Variants in THSD1 observed in about 807,000 individuals in gnomAD.
THSD1 encodes thrombospondin type-1 domain-containing protein 1.
A neutral mutation model predicts 46.3 loss-of-function variants in THSD1; 34 were observed. The observed-to-expected ratio is 0.74, with a 90% CI of 0.56 to 0.98. THSD1 has a LOEUF of 0.98. Ranked by LOEUF, THSD1 falls within the 50% of genes least tolerant of loss-of-function variation. The pLI, the probability that THSD1 is intolerant of heterozygous loss-of-function variation, is 0.00. For synonymous variants in THSD1, 407 were observed against 416.5 expected, an observed-to-expected ratio of 0.98 and a Z score of 0.28; for missense variants, 1,023 against 1,058.3, an observed-to-expected ratio of 0.97 and a Z score of 0.46.
chr13:52,377,733 C>A lies in THSD1; in HGVS notation c.2237G>T (p.Gly746Val). 1 of 1,613,490 alleles carries A rather than the reference C, an allele frequency of 6.2e-7. No homozygotes were observed. The highest frequency in any genetic ancestry group is 1.1e-5 in the South Asian group (1 of 90,988). ...RKPDLGDHQA[G>V]LVAGIERTEP... ...TGTTCTCTCAATTCCGGCCACTAAT[C>A]CTGCCTGGTGATCCCCAAGGTCTGG... The change falls in exon 5 of 5, where the codon GGA becomes GTA. Residue 746 changes from glycine to valine, a missense_variant. Physicochemically the swap from Gly to Val is moderately radical, Grantham distance 109. Coordinates refer to ENST00000258613, the MANE Select transcript of THSD1 (RefSeq NM_018676.4).
rs113543720 is a variant in THSD1, at chr13:52,378,793, C to CA, written c.1181-5dup. 1.7e-3 allele frequency: 2,555 copies of CA among 1,516,554 alleles called. 8 individuals are homozygous for CA. Among genetic ancestry groups the CA allele is most frequent in the South Asian group, 0.015 (1,148 of 78,078 alleles). The allele number at this position is 1,516,554 out of a possible 1,614,324, so 93.9% of individuals were successfully genotyped here. A position where few individuals can be genotyped will look rare whatever the true frequency, so the allele number is the denominator to read the frequency against. ...GATGGGCTGGATGGCTGGAAAGCTGCAAAAAAAAACAAAACAAAACAAACA... is the reference window on the plus strand; with the variant it reads ...GATGGGCTGGATGGCTGGAAAGCTGCAAAAAAAAAACAAAACAAAACAAACA... On this transcript the variant is annotated splice_region_variant and splice_polypyrimidine_tract_variant and intron_variant, in intron 4 of 4. Coordinates refer to ENST00000258613, the MANE Select transcript of THSD1 (RefSeq NM_018676.4).
chr13:52,404,104 C>T (rs1291081590), intron 1 of THSD1, among the ~76,000 whole-genome samples: 7 of 151,952 alleles, frequency 4.6e-5, no homozygotes, highest in Middle Eastern at 6.8e-3. Context: ...TGCACCACCA[C>T]GCTTGGCTAA....
intron 2 of THSD1, among the ~76,000 whole-genome samples, chr13:52,399,825 T>C (rs1957840547): frequency 6.6e-6 from 1 of 152,194 alleles, no homozygotes; most frequent in South Asian, 2.1e-4. Context: ...AGACCCAACC[T>C]GGTACCTTTC....
intron 4 of THSD1, among the ~76,000 whole-genome samples, chr13:52,381,407 TC>T (rs1207361022): frequency 6.6e-6 from 1 of 152,004 alleles, no homozygotes; most frequent in Non-Finnish European, 1.5e-5. Context: ...TGCCCACAAA[TC>T]CTTCCATGGG....
chr13:52,378,546 C>T lies in THSD1; in HGVS notation c.1424G>A (p.Arg475His), dbSNP rs564794340. The T allele has an allele frequency of 1.2e-6, 2 of 1,614,064 alleles. No homozygotes were observed. Among genetic ancestry groups the T allele is most frequent in the African/African-American group, 1.3e-5 (1 of 74,926 alleles). ...GTCTCCCCCATCCGAGAAGCTCCCG[C>T]GCTGCTCGCTCAGCTCGCAGATATT... Reference protein sequence around the residue: ...EENICELSEQRGSFSDGGDGP... With the variant: ...EENICELSEQHGSFSDGGDGP... Residue 475 changes from arginine (R) to histidine (H), a missense_variant, in exon 5 of 5, where the codon CGC becomes CAC. Transcript: ENST00000258613.
chr13:52,384,518 C>G (rs1957716531), intron 4 of THSD1: 1 of 406,006 alleles, frequency 2.5e-6, no homozygotes, highest in Non-Finnish European at 5.0e-6. Flanking sequence ...GGTCTGAGCC[C>G]AGCATAATGA....
intron 3 of THSD1, among the ~76,000 whole-genome samples, chr13:52,387,141 T>C (rs1206109851): frequency 2.0e-5 from 3 of 152,184 alleles, no homozygotes; most frequent in Non-Finnish European, 2.9e-5. Flanking sequence ...GCCTCTCTGA[T>C]GTGCAGGCTC....
intron 1 of THSD1, among the ~76,000 whole-genome samples, chr13:52,403,152 C>T (rs1201510841): frequency 6.6e-6 from 1 of 152,142 alleles, no homozygotes; most frequent in Non-Finnish European, 1.5e-5. Context: ...CTAACATTTC[C>T]TTGCACAATT....
intron 3 of THSD1, among the ~76,000 whole-genome samples, chr13:52,396,185 AGTCAG>A (rs1254127475): frequency 6.6e-6 from 1 of 152,022 alleles, no homozygotes; most frequent in Admixed American, 6.6e-5. Flanking sequence ...GGGGTTACAA[AGTCAG>A]GCTTGTGTAG....
In THSD1 at chr13:52,378,798, A is replaced by G. The variant is rs200873789; in HGVS notation, c.1181-9T>C. 6.4e-7 allele frequency: 1 copy of G among 1,556,508 alleles called. No individual in the cohort carries two copies. The highest frequency in any genetic ancestry group is 2.3e-5 in the East Asian group (1 of 44,332). ...GCTGGATGGCTGGAAAGCTGCAAAAAAAAACAAAACAAAACAAACAAACAA... is the reference window on the plus strand; with the variant it reads ...GCTGGATGGCTGGAAAGCTGCAAAAGAAAACAAAACAAAACAAACAAACAA... On this transcript the variant is annotated splice_polypyrimidine_tract_variant and intron_variant, in intron 4 of 4. Transcript: ENST00000258613.
Position 52,378,394 on chromosome 13 carries a change from G to A in THSD1, c.1576C>T (p.Pro526Ser). Residue 526 changes from proline (P) to serine (S), a missense_variant, in exon 5 of 5, where the codon CCT (proline) becomes TCT (serine). This residue lies in a region of THSD1 where 578 missense variants were observed against 497.4 expected (regional missense o/e 1.16). Coordinates refer to ENST00000258613, the MANE Select transcript of THSD1 (RefSeq NM_018676.4). ...FQSNAQKIIP[P>S]LFSYRLAQQQ... ...TGGGCAAGGCGGTAGCTGAACAGAG[G>A]TGGGATTATCTTCTGGGCGTTGGAC... 1.2e-6 allele frequency: 2 copies of A among 1,614,074 alleles called. No individual in the cohort carries two copies. The highest frequency in any genetic ancestry group is 1.3e-5 in the African/African-American group (1 of 75,040).
Position 52,378,393 on chromosome 13 carries a change from G to A in THSD1, c.1577C>T (p.Pro526Leu), listed in dbSNP as rs1219491357. 3 of 1,614,120 alleles carry A rather than the reference G, an allele frequency of 1.9e-6. No homozygotes were observed. Among genetic ancestry groups the A allele is most frequent in the South Asian group, 2.2e-5 (2 of 91,084 alleles). ...FQSNAQKIIP[P>L]LFSYRLAQQQ... is the part of the protein sequence containing the mutation. ...CTGGGCAAGGCGGTAGCTGAACAGA[G>A]GTGGGATTATCTTCTGGGCGTTGGA... Residue 526 changes from proline to leucine, a missense_variant, in exon 5 of 5, where the codon CCT (proline) becomes CTT (leucine). Coordinates refer to ENST00000258613, the MANE Select transcript of THSD1 (RefSeq NM_018676.4).
rs759393066 is a variant in THSD1, at chr13:52,377,872, G to A, written c.2098C>T (p.Arg700Ter). 5 of 1,614,174 alleles carry A rather than the reference G, an allele frequency of 3.1e-6. No individual in the cohort carries two copies. The highest frequency in any genetic ancestry group is 2.2e-5 in the East Asian group (1 of 44,878). The change falls in exon 5 of 5, where the codon CGA becomes TGA. Residue 700 changes from arginine (R) to a stop codon, truncating the protein, a stop_gained. Coordinates refer to ENST00000258613, the MANE Select transcript of THSD1 (RefSeq NM_018676.4). LOFTEE classifies it high-confidence loss of function. The part of the protein sequence containing the change: ...QAEDRFRPQS[R>*]GAHLFPEKLE... ...TTTTCAGGAAACAGGTGGGCACCTC[G>A]ACTCTGAGGCCTAAATCTGTCCTCT...
intron 2 of THSD1, 178 bp from the exon 3 acceptor site, chr13:52,398,372 G>A (rs746402453): frequency 1.6e-5 from 11 of 693,068 alleles, no homozygotes; most frequent in Non-Finnish European, 2.0e-5. Flanking sequence ...TTGGGCTCAA[G>A]CGATCTCCCA....
chr13:52,388,139 A>G (rs1265286073), intron 3 of THSD1, among the ~76,000 whole-genome samples: 2 of 151,922 alleles, frequency 1.3e-5, no homozygotes, highest in Admixed American at 1.3e-4. Context: ...AGATAAGAGA[A>G]TGTCATCTCT....
In THSD1 at chr13:52,377,179, CATTTT is replaced by C; in HGVS notation, c.*227_*231del. ...AGACCAAGCCCCATTTGCTCATTTA[CATTTT>C]ATTATCATTGTTATTACTAATAAAT... On this transcript the variant is annotated 3_prime_UTR_variant, in exon 5 of 5. Coordinates refer to ENST00000258613, the MANE Select transcript of THSD1 (RefSeq NM_018676.4). The C allele has an allele frequency of 7.9e-7, 1 of 1,257,916 alleles. No individual in the cohort carries two copies. The highest frequency in any genetic ancestry group is 1.0e-6 in the Non-Finnish European group (1 of 999,074). 77.9% of individuals were successfully genotyped at this position (1,257,916 alleles called of 1,614,324 possible).
chr13:52,397,361 C>A lies in THSD1; in HGVS notation c.892G>T (p.Glu298Ter). 3 of 1,614,168 alleles carry A rather than the reference C, an allele frequency of 1.9e-6. No homozygotes were observed. The South Asian group carries it at 3.3e-5, about 18-fold the overall frequency. Residue 298 changes from glutamate to a stop codon, truncating the protein, a stop_gained, in exon 3 of 5, where the codon GAG (glutamate) becomes TAG (stop). Coordinates refer to ENST00000258613, the MANE Select transcript of THSD1 (RefSeq NM_018676.4). LOFTEE classifies it high-confidence loss of function. ...GTACAGTTAAAAATTGTCCTCCTCT[C>A]TCCCAGGGGCAGGCTGTTTTCAGCC... ...HLAENSLPLG[E>*]RRTIFNCTLF...
chr13:52,386,030 G>C lies in THSD1; in HGVS notation c.1178C>G (p.Ala393Gly), dbSNP rs759938721. ...EASLCSLEEC[A>G]AFQPSSPSPL... ...CCGAAGGAAGCAAGAATACCTACCA[G>C]CACACTCCTCCAGGGAACACAGGGA... The change falls in exon 4 of 5, where the codon GCT (alanine) becomes GGT (glycine). Residue 393 changes from alanine to glycine, a missense_variant and splice_region_variant. By Grantham distance (60) the Ala-to-Gly change is moderately conservative. Around this residue, in one of 3 missense-constraint regions of THSD1, gnomAD observed 429 missense variants for 518.3 expected, o/e 0.83. Transcript: ENST00000258613. 1.2e-6 allele frequency: 2 copies of C among 1,613,598 alleles called. No individual in the cohort carries two copies. The highest frequency in any genetic ancestry group is 1.7e-6 in the Non-Finnish European group (2 of 1,179,776).
chr13:52,396,775 A>G (rs1053372736), intron 3 of THSD1, among the ~76,000 whole-genome samples: 1 of 152,206 alleles, frequency 6.6e-6, no homozygotes, highest in African/African-American at 2.4e-5. Flanking sequence ...CCATTCCTAT[A>G]ATGAATGACT....
Sources: allele counts gnomAD v4.1 joint callset (sites outside exome capture counted in the v4.1 genomes callset), GRCh38; gene constraint gnomAD v4.1.1; regional missense constraint gnomAD v4.1.1; transcripts MANE v1.5; gene names NCBI Gene and HGNC (gene_info 2026-07-23, HGNC 2026-07-21).